Variants in ANKAR observed in about 807,000 individuals in gnomAD.
ANKAR encodes ankyrin and armadillo repeat-containing protein.
Under a neutral mutation model 146.2 loss-of-function variants are expected in ANKAR, and 136 were observed. The observed-to-expected ratio is 0.93, with a 90% CI of 0.81 to 1.07. The LOEUF is 1.07. ANKAR is among the 50% of genes least tolerant of loss of function. The pLI is 0.00. For missense variants in ANKAR, 1,567 were observed against 1,679.9 expected (o/e 0.93, Z 1.18); for synonymous variants, 500 against 575.8 (o/e 0.87, Z 1.88).
Position 189,730,565 on chromosome 2 carries a change from C to A in ANKAR, c.3264C>A (p.Ile1088=). 3 of 1,600,714 alleles carry A rather than the reference C, an allele frequency of 1.9e-6. No individual in the cohort carries two copies. The highest frequency in any genetic ancestry group is 2.6e-6 in the Non-Finnish European group (3 of 1,171,934). Residue 1088 remains isoleucine, a synonymous_variant, in exon 16 of 23, where the codon ATC becomes ATA. Transcript: ENST00000684021. ...ATGAAAATGCCTTTCCAGTACTTATCCAACTACTAAGAAATCACCCTTCTC... is the reference window on the plus strand; with the variant it reads ...ATGAAAATGCCTTTCCAGTACTTATACAACTACTAAGAAATCACCCTTCTC... ...VVDENAFPVL[I]QLLRNHPSPN...
chr2:189,728,957 A>C, intron 15 of ANKAR, 136 bp downstream of exon 15: 1 of 805,918 alleles, frequency 1.2e-6, no homozygotes, highest in African/African-American at 1.7e-5. Flanking sequence ...ATGAAAGACT[A>C]TTATAACTTT....
intron 10 of ANKAR, among the ~76,000 whole-genome samples, chr2:189,718,746 T>A (rs1203167578): frequency 1.9e-4 from 2 of 10,368 alleles, no homozygotes; most frequent in East Asian, 7.1e-3. Flanking sequence ...TTCTATTTTC[T>A]TTTTTTTTTT....
chr2:189,752,617 G>A (rs777457502), intron 18 of ANKAR: 3 of 1,604,800 alleles, frequency 1.9e-6, no homozygotes, highest in East Asian at 2.2e-5. Context: ...CTTAAGTAAT[G>A]TAACTTGCAT....
At chr2:189,746,269 T>C in intron 22 of ANKAR, 111 bp from the exon 23 acceptor site, 1 of 1,289,920 alleles carries the variant, frequency 7.8e-7, no homozygotes, top group Non-Finnish European at 1.1e-6. Context: ...ACTGATCTGT[T>C]CTCTTAGTAT....
At chr2:189,697,233 T>C (rs1281091706) in intron 7 of ANKAR, among the ~76,000 whole-genome samples, 1 of 137,282 alleles carries the variant, frequency 7.3e-6, no homozygotes, top group Non-Finnish European at 1.6e-5. Context: ...CCCATAAAAT[T>C]AAAAAAAAAA....
At chr2:189,721,168 A>G (rs1015116762) in intron 12 of ANKAR, among the ~76,000 whole-genome samples, 2 of 152,080 alleles carry the variant, frequency 1.3e-5, no homozygotes, top group East Asian at 1.9e-4. Flanking sequence ...TTGTATTTTT[A>G]GTAGAGACAG....
intron 18 of ANKAR, chr2:189,755,231 G>T: frequency 6.2e-7 from 1 of 1,612,236 alleles, no homozygotes; most frequent in Non-Finnish European, 8.5e-7. Context: ...CAGAAAATCT[G>T]AAACTCCTTG....
chr2:189,720,340 T>G (rs560667278), intron 11 of ANKAR, among the ~76,000 whole-genome samples: 3 of 151,932 alleles, frequency 2.0e-5, no homozygotes, highest in African/African-American at 7.2e-5. Context: ...CTCTGCCTCG[T>G]GGGTTCAAGT....
intron 19 of ANKAR, among the ~76,000 whole-genome samples, chr2:189,739,909 A>C (rs2043175036): frequency 2.0e-5 from 3 of 152,178 alleles, no homozygotes; most frequent in Non-Finnish European, 4.4e-5. Flanking sequence ...TTGGCTTTCA[A>C]ATATTAAATT....
At chr2:189,693,724 C>A (rs1010618857) in intron 5 of ANKAR, among the ~76,000 whole-genome samples, 3 of 151,862 alleles carry the variant, frequency 2.0e-5, no homozygotes, top group Admixed American at 6.6e-5. Flanking sequence ...CCAGACTGGG[C>A]ACCAGAGTAA....
At chr2:189,739,821 C>G (rs1415601582) in intron 19 of ANKAR, among the ~76,000 whole-genome samples, 1 of 152,108 alleles carries the variant, frequency 6.6e-6, no homozygotes, top group Non-Finnish European at 1.5e-5. Flanking sequence ...CTCGGCCTCT[C>G]AAAGTGCTGG....
chr2:189,681,371 T>A (rs2034639289), intron 2 of ANKAR, among the ~76,000 whole-genome samples: 1 of 152,172 alleles, frequency 6.6e-6, no homozygotes, highest in Non-Finnish European at 1.5e-5. Context: ...ACAAAGTTAG[T>A]TACATCAAGC....
downstream of ANKAR, chr2:189,750,549 C>A (rs1266030185): frequency 7.9e-7 from 1 of 1,265,894 alleles, no homozygotes; most frequent in Non-Finnish European, 1.1e-6. Context: ...CTTAATACTA[C>A]CTTTAGGGAC....
At chr2:189,757,312 G>A (rs1195912880) in intron 18 of ANKAR, among the ~76,000 whole-genome samples, 1 of 152,178 alleles carries the variant, frequency 6.6e-6, no homozygotes, top group Non-Finnish European at 1.5e-5. Flanking sequence ...GAAGTCAAGG[G>A]TGTCCTTCAG....
intron 10 of ANKAR, among the ~76,000 whole-genome samples, chr2:189,715,341 G>T (rs1430935502): frequency 1.3e-5 from 2 of 152,098 alleles, no homozygotes; most frequent in Non-Finnish European, 2.9e-5. Flanking sequence ...AAATCTAGAA[G>T]AAATGGATAA....
At chr2:189,754,668 T>C (rs2045811969) in intron 18 of ANKAR, 1 of 278,018 alleles carries the variant, frequency 3.6e-6, no homozygotes, top group African/African-American at 2.3e-5. Flanking sequence ...TTCCTATTAT[T>C]TCACTGTGGG....
chr2:189,752,646 C>T (rs1308563719), intron 18 of ANKAR: 1 of 1,613,352 alleles, frequency 6.2e-7, no homozygotes, highest in South Asian at 1.1e-5. Context: ...TGAATGATAC[C>T]ACATACTTTG....
intron 18 of ANKAR, chr2:189,755,562 TGAAA>T (rs774331405): frequency 1.1e-5 from 18 of 1,576,192 alleles, no homozygotes; most frequent in African/African-American, 2.8e-5. Flanking sequence ...CCACCTGTTC[TGAAA>T]GAAAGAAAGA....
intron 18 of ANKAR, among the ~76,000 whole-genome samples, chr2:189,756,721 C>T (rs1412333568): frequency 6.6e-6 from 1 of 152,088 alleles, no homozygotes; most frequent in Non-Finnish European, 1.5e-5. Context: ...TTAAGTTTAT[C>T]ACCACTCCCA....
Sources: gnomAD v4.1 joint callset for allele counts (sites outside exome capture counted in the v4.1 genomes callset) on GRCh38, gnomAD v4.1.1 for gene constraint, MANE v1.5 for transcripts, NCBI Gene and HGNC (gene_info 2026-07-23, HGNC 2026-07-21) for gene names.